The following PRKG1 variants were observed in gnomAD, a reference collection of about 807,000 sequenced individuals.
PRKG1 encodes the protein cGMP-dependent protein kinase 1.
PRKG1 carries 35 observed loss-of-function variants against 88.1 expected under a neutral mutation model. The observed-to-expected ratio is 0.40, with a 90% CI of 0.30 to 0.53. The LOEUF (loss-of-function observed/expected upper bound fraction) is 0.53. Among genes scored for constraint, PRKG1 ranks in the 20% least tolerant of loss-of-function variants. The pLI is 0.59. For missense variants in PRKG1, 540 were observed against 839.8 expected (o/e 0.64, Z 4.41); for synonymous variants, 303 against 292.5 (o/e 1.04, Z -0.37).
chr10:51,124,587 G>A (rs916712529), intron 1 of PRKG1, among the ~76,000 whole-genome samples: 9 of 152,146 alleles, frequency 5.9e-5, no homozygotes, highest in African/African-American at 2.2e-4. Context: ...ATTTGCTGAT[G>A]TGTAGTTGTG....
At chr10:51,903,876 A>C (rs1160862716) in intron 4 of PRKG1, among the ~76,000 whole-genome samples, 1 of 152,182 alleles carries the variant, frequency 6.6e-6, no homozygotes, top group Admixed American at 6.6e-5. Context: ...GACCTCAGGC[A>C]GACTTTCAAG....
At chr10:51,066,730 A>G (rs551136111) in intron 1 of PRKG1, among the ~76,000 whole-genome samples, 4 of 152,268 alleles carry the variant, frequency 2.6e-5, no homozygotes, top group Admixed American at 2.0e-4. Flanking sequence ...GAAATTCATA[A>G]TACATACTGG....
chr10:51,716,034 A>C (rs1841877397), intron 3 of PRKG1, among the ~76,000 whole-genome samples: 1 of 152,206 alleles, frequency 6.6e-6, no homozygotes, highest in South Asian at 2.1e-4. Flanking sequence ...TGTGGATGTC[A>C]AGCATCATAA....
chr10:52,207,520 A>C (rs1839852273), intron 9 of PRKG1, among the ~76,000 whole-genome samples: 1 of 152,042 alleles, frequency 6.6e-6, no homozygotes, highest in Non-Finnish European at 1.5e-5. Context: ...TGCCACCTAG[A>C]AGTACATGGT....
intron 2 of PRKG1, among the ~76,000 whole-genome samples, chr10:51,225,972 G>A (rs1039749731): frequency 6.6e-6 from 1 of 152,156 alleles, no homozygotes; most frequent in Non-Finnish European, 1.5e-5. Context: ...GGGAGGCCAA[G>A]GTGAATGGAT....
At chr10:51,947,967 A>C (rs1020835902) in intron 5 of PRKG1, among the ~76,000 whole-genome samples, 2 of 152,178 alleles carry the variant, frequency 1.3e-5, no homozygotes, top group Non-Finnish European at 2.9e-5. Flanking sequence ...GTCATTAATA[A>C]ATTTTATAAT....
intron 1 of PRKG1, among the ~76,000 whole-genome samples, chr10:51,095,388 G>A (rs896925411): frequency 1.2e-4 from 19 of 152,030 alleles, no homozygotes; most frequent in African/African-American, 3.6e-4. Flanking sequence ...ATACCTAAAC[G>A]CTGGTAATGC....
intron 2 of PRKG1, among the ~76,000 whole-genome samples, chr10:51,262,722 G>A (rs1416088688): frequency 1.3e-5 from 2 of 152,130 alleles, no homozygotes; most frequent in Admixed American, 6.5e-5. Flanking sequence ...ATGGCAGAAG[G>A]GGAAGGAGAA....
intron 3 of PRKG1, among the ~76,000 whole-genome samples, chr10:51,773,218 AT>A (rs1410069226): frequency 6.6e-6 from 1 of 152,096 alleles, no homozygotes; most frequent in African/African-American, 2.4e-5. Flanking sequence ...TTTCTCCAAC[AT>A]TTTTTCTCAG....
intron 5 of PRKG1, among the ~76,000 whole-genome samples, chr10:51,976,471 A>G (rs2447649): frequency 0.47 from 71,525 of 151,814 alleles, 17,208 homozygotes; most frequent in Admixed American, 0.57. Flanking sequence ...AACCTTAAAA[A>G]CAATGTGCTA....
At chr10:51,401,111 T>A (rs1026407290) in intron 2 of PRKG1, among the ~76,000 whole-genome samples, 11 of 152,264 alleles carry the variant, frequency 7.2e-5, no homozygotes, top group African/African-American at 2.7e-4. Flanking sequence ...TAAAATTTTT[T>A]AAAAGGCTAA....
intron 10 of PRKG1, among the ~76,000 whole-genome samples, chr10:52,260,445 G>A (rs1052720991): frequency 6.6e-6 from 1 of 152,100 alleles, no homozygotes; most frequent in African/African-American, 2.4e-5. Context: ...GAATTTCACA[G>A]TATGTGATCC....
At chr10:52,133,538 T>C (rs1837321682) in intron 7 of PRKG1, among the ~76,000 whole-genome samples, 1 of 152,154 alleles carries the variant, frequency 6.6e-6, no homozygotes, top group African/African-American at 2.4e-5. Flanking sequence ...TCTTGATCAT[T>C]ATCCAACTAT....
chr10:51,893,147 T>C (rs923506483), intron 4 of PRKG1, among the ~76,000 whole-genome samples: 2 of 152,082 alleles, frequency 1.3e-5, no homozygotes, highest in African/African-American at 4.8e-5. Context: ...TGATGGTCAT[T>C]CTGACAGGAG....
At chr10:51,629,369 A>G (rs1839466090) in intron 3 of PRKG1, among the ~76,000 whole-genome samples, 1 of 151,910 alleles carries the variant, frequency 6.6e-6, no homozygotes, top group African/African-American at 2.4e-5. Flanking sequence ...TTACATTGTA[A>G]TAATAATACA....
At chr10:51,698,984 T>C (rs779091680) in intron 3 of PRKG1, 1 of 1,614,254 alleles carries the variant, frequency 6.2e-7, no homozygotes, top group South Asian at 1.1e-5. Context: ...ATGCAGAATT[T>C]TCAGAGCAAT....
At chr10:51,847,189 G>A (rs559752836) in intron 4 of PRKG1, among the ~76,000 whole-genome samples, 203 of 152,178 alleles carry the variant, frequency 1.3e-3, no homozygotes, top group Non-Finnish European at 2.1e-3. Context: ...AACATTTTGT[G>A]TTTCTAATTT....
chr10:51,484,067 G>T (rs74790861), intron 3 of PRKG1, among the ~76,000 whole-genome samples: 1 of 152,072 alleles, frequency 6.6e-6, no homozygotes, highest in Middle Eastern at 3.2e-3. Flanking sequence ...TATTGTTGAT[G>T]CACGAAATGA....
chr10:51,901,409 T>A (rs1841975607), intron 4 of PRKG1, among the ~76,000 whole-genome samples: 1 of 152,210 alleles, frequency 6.6e-6, no homozygotes, highest in African/African-American at 2.4e-5. Flanking sequence ...AGTCTTTGTT[T>A]TGAAGCTAAG....
Sources: gnomAD v4.1 joint callset for allele counts (sites outside exome capture counted in the v4.1 genomes callset) on GRCh38, gnomAD v4.1.1 for gene constraint, MANE v1.5 for transcripts, NCBI Gene and HGNC (gene_info 2026-07-23, HGNC 2026-07-21) for gene names.